TEX14: variants seen among roughly 807,000 people sequenced by gnomAD.
The protein encoded by TEX14 is inactive serine/threonine-protein kinase TEX14.
Under a neutral mutation model 178.6 loss-of-function variants are expected in TEX14, and 168 were observed. The ratio of observed to expected loss-of-function variants is 0.94; its 90% CI spans 0.83 to 1.07. The LOEUF is 1.07. Ranked by LOEUF, TEX14 falls within the 50% of genes least tolerant of loss-of-function variation. TEX14 has a pLI of 0.00. For missense variants in TEX14, 1,730 were observed against 1,753.6 expected (o/e 0.99, Z 0.24); for synonymous variants, 626 against 634.1 (o/e 0.99, Z 0.19).
chr17:58,603,133 T>A (rs2045505000), intron 11 of TEX14, among the ~76,000 whole-genome samples: 2 of 151,708 alleles, frequency 1.3e-5, no homozygotes, highest in Admixed American at 1.3e-4. Flanking sequence ...ACCAGAGAGA[T>A]CACCGCCACA....
At chr17:58,588,346 T>C (rs972543259) in intron 15 of TEX14, among the ~76,000 whole-genome samples, 1 of 152,168 alleles carries the variant, frequency 6.6e-6, no homozygotes. Context: ...CACCCAGGAG[T>C]GCAGTGGTAC....
chr17:58,687,932 C>T (rs547808602), intron 1 of TEX14, among the ~76,000 whole-genome samples: 74 of 152,256 alleles, frequency 4.9e-4, no homozygotes, highest in Non-Finnish European at 9.1e-4. Flanking sequence ...GAGAATCTAT[C>T]TTGTTTACCC....
intron 2 of TEX14, among the ~76,000 whole-genome samples, chr17:58,642,185 G>A (rs1166179578): frequency 6.6e-6 from 1 of 152,196 alleles, no homozygotes; most frequent in Non-Finnish European, 1.5e-5. Flanking sequence ...ATGATGATGT[G>A]CAATTGTTTT....
chr17:58,680,588 A>G (rs2047484708), intron 1 of TEX14, among the ~76,000 whole-genome samples: 1 of 151,932 alleles, frequency 6.6e-6, no homozygotes, highest in Non-Finnish European at 1.5e-5. Flanking sequence ...ATAAAAATAC[A>G]AAAATCAGCT....
intron 2 of TEX14, among the ~76,000 whole-genome samples, chr17:58,644,853 G>T (rs2046664089): frequency 7.2e-6 from 1 of 138,988 alleles, no homozygotes; most frequent in African/African-American, 2.7e-5. Context: ...GTTTCACCAT[G>T]TTGGCCAGGC....
At chr17:58,657,598 T>G (rs2046997686) in intron 1 of TEX14, among the ~76,000 whole-genome samples, 2 of 134,582 alleles carry the variant, frequency 1.5e-5, no homozygotes. Flanking sequence ...CACTGCAGCC[T>G]CTGCCTCCGG....
intron 2 of TEX14, chr17:58,648,020 C>T (rs891041670): frequency 6.6e-6 from 1 of 152,462 alleles, no homozygotes; most frequent in African/African-American, 2.4e-5. Flanking sequence ...CTTCCCTCCT[C>T]CGCACTGCAG....
At chr17:58,685,026 TAA>T (rs1567776663) in intron 1 of TEX14, among the ~76,000 whole-genome samples, 1 of 152,134 alleles carries the variant, frequency 6.6e-6, no homozygotes, top group African/African-American at 2.4e-5. Context: ...AATTAAAAAT[TAA>T]AAAAGATTCA....
chr17:58,665,345 T>A (rs552145811), intron 1 of TEX14, among the ~76,000 whole-genome samples: 171 of 151,788 alleles, frequency 1.1e-3, no homozygotes, highest in Non-Finnish European at 2.0e-3. Flanking sequence ...GACTCATGCC[T>A]GAAATCCCAG....
chr17:58,616,438 C>A, intron 6 of TEX14, 133 bp from the exon 7 acceptor site: 1 of 800,752 alleles, frequency 1.2e-6, no homozygotes, highest in Non-Finnish European at 1.8e-6. Flanking sequence ...TGCACTGGGC[C>A]TTTTTTTTTT....
chr17:58,683,666 G>A lies in TEX14; in HGVS notation c.-2+8273C>T, dbSNP rs551689719. Reference sequence around the variant, plus strand: ...TAATCCCAGCTACTCGGGAGGCTGAGGCAGGAGAATTGCTTGAACCCGGAA... The same window carrying A: ...TAATCCCAGCTACTCGGGAGGCTGAAGCAGGAGAATTGCTTGAACCCGGAA... On this transcript the variant is annotated intron_variant, in intron 1 of 31. Coordinates refer to ENST00000349033, the MANE Select transcript of TEX14 (RefSeq NM_031272.5). 2.0e-5 allele frequency among the ~76,000 whole-genome samples: 3 copies of A among 152,072 alleles called. No individual in the cohort carries two copies. In the South Asian group the frequency reaches 6.2e-4, roughly 32 times the overall value.
At chr17:58,596,057 C>T (rs2045272260) in intron 14 of TEX14, among the ~76,000 whole-genome samples, 1 of 152,022 alleles carries the variant, frequency 6.6e-6, no homozygotes, top group African/African-American at 2.4e-5. Context: ...GTGGTGCGCA[C>T]CTGTAGTCCC....
At chr17:58,688,309 G>A (rs1567778106) in intron 1 of TEX14, among the ~76,000 whole-genome samples, 1 of 151,962 alleles carries the variant, frequency 6.6e-6, no homozygotes, top group East Asian at 1.9e-4. Context: ...TAGTAGAGAC[G>A]GGGTTTTACC....
rs1020917917 is a variant in TEX14, at chr17:58,621,724, G to GT, written c.479dup (p.Tyr160Ter). Residue 160 changes from tyrosine to a stop codon, truncating the protein, a stop_gained and frameshift_variant, in exon 5 of 32, where the codon TAC becomes TAAC. Coordinates refer to ENST00000349033, the MANE Select transcript of TEX14 (RefSeq NM_031272.5). LOFTEE classifies it high-confidence loss of function. ...GGGAGTCTATCTTCTTCAGGAGGTC[G>GT]TAAGAGAAGCCCTGGATGATGGCCT... ...HMQAIIQGFSYDLLKKIDSPQ... is the reference protein window; with the variant it reads ...HMQAIIQGFS 13 of 1,614,084 alleles carry GT rather than the reference G, an allele frequency of 8.1e-6. 1 individual carries two copies. The highest frequency in any genetic ancestry group is 1.3e-5 in the African/African-American group (1 of 74,946).
At chr17:58,659,290 C>T (rs1031317084) in intron 1 of TEX14, 86 of 960,774 alleles carry the variant, frequency 9.0e-5, no homozygotes, top group South Asian at 3.4e-4. Flanking sequence ...GCGTCTCTCC[C>T]CCGCCACAAA....
chr17:58,600,040 C>T (rs1322741537), intron 13 of TEX14, among the ~76,000 whole-genome samples: 1 of 152,084 alleles, frequency 6.6e-6, no homozygotes, highest in Non-Finnish European at 1.5e-5. Context: ...GCTGTGTTGC[C>T]CAGGTTGCTC....
At chr17:58,560,465 G>A (rs1337868992) in intron 29 of TEX14, among the ~76,000 whole-genome samples, 1 of 152,190 alleles carries the variant, frequency 6.6e-6, no homozygotes, top group Non-Finnish European at 1.5e-5. Flanking sequence ...TAAAATAAGT[G>A]TAAAGGCAGG....
chr17:58,686,657 G>A (rs302877), intron 1 of TEX14, among the ~76,000 whole-genome samples: 46,062 of 151,848 alleles, frequency 0.3, 7,455 homozygotes, highest in Middle Eastern at 0.49. Context: ...TCAAAGAGTC[G>A]TGGACAACAA....
Position 58,622,892 on chromosome 17 carries a change from G to A in TEX14, c.372C>T (p.Asn124=), listed in dbSNP as rs2046033178. Residue 124 remains asparagine, a synonymous_variant, in exon 4 of 32, where the codon AAC becomes AAT. Transcript: ENST00000349033. The stretch of plus-strand genomic sequence containing the variant: ...CTGCTGTCAAAGCCCAAGTCTTCGG[G>A]TTTTGACCCCTCTCATCGTGGAGTC... The part of the protein sequence containing the change: ...DLRLHDERGQ[N]PKTWALTAGK... The A allele has an allele frequency of 1.2e-6, 2 of 1,613,160 alleles. No homozygotes were observed. Among genetic ancestry groups the A allele is most frequent in the South Asian group, 1.1e-5 (1 of 91,048 alleles).
Sources: gnomAD v4.1 joint callset for allele counts (sites outside exome capture counted in the v4.1 genomes callset) on GRCh38, gnomAD v4.1.1 for gene constraint, MANE v1.5 for transcripts, NCBI Gene and HGNC (gene_info 2026-07-23, HGNC 2026-07-21) for gene names.